The following CNTN5 variants were observed in gnomAD, a reference collection of about 807,000 sequenced individuals.
The protein encoded by CNTN5 is contactin-5.
CNTN5 carries 77 observed loss-of-function variants against 129.1 expected under a neutral mutation model. That is an observed-to-expected ratio of 0.60 (90% CI 0.50 to 0.72). The LOEUF (loss-of-function observed/expected upper bound fraction) is 0.72, where lower values mean the gene tolerates loss of function less well. Ranked by LOEUF, CNTN5 falls within the 30% of genes least tolerant of loss-of-function variation. CNTN5 has a pLI of 0.00. For synonymous variants in CNTN5, 509 were observed against 465.6 expected (o/e 1.09, Z -1.20); for missense variants, 1,478 against 1,328.8 (o/e 1.11, Z -1.75).
At chr11:99,137,203 A>C (rs2135451354) in intron 1 of CNTN5, among the ~76,000 whole-genome samples, 1 of 152,302 alleles carries the variant, frequency 6.6e-6, no homozygotes, top group Admixed American at 6.5e-5. Flanking sequence ...TCATGCATAC[A>C]GAATATTTGC....
At chr11:100,287,949 G>T (rs202222842) in intron 18 of CNTN5, among the ~76,000 whole-genome samples, 45,153 of 151,838 alleles carry the variant, frequency 0.3, 8,331 homozygotes, top group Non-Finnish European at 0.42. Context: ...AAAGGCAGGG[G>T]TTGCAATCCC....
intron 3 of CNTN5, among the ~76,000 whole-genome samples, chr11:99,713,659 T>C (rs1045560665): frequency 2.0e-5 from 3 of 152,002 alleles, no homozygotes; most frequent in African/African-American, 7.2e-5. Flanking sequence ...TGTTAACTAT[T>C]AAGACTTCGT....
At chr11:99,175,478 T>A (rs920794161) in intron 1 of CNTN5, among the ~76,000 whole-genome samples, 6 of 152,090 alleles carry the variant, frequency 3.9e-5, no homozygotes, top group Non-Finnish European at 7.3e-5. Context: ...AACAGGAGTT[T>A]GTTTTAGAAG....
intron 3 of CNTN5, among the ~76,000 whole-genome samples, chr11:99,680,761 T>C (rs975590216): frequency 6.6e-6 from 1 of 152,102 alleles, no homozygotes; most frequent in African/African-American, 2.4e-5. Flanking sequence ...TCACCGGCTG[T>C]AGCTGTATGG....
At chr11:99,942,499 G>A (rs7948524) in intron 7 of CNTN5, among the ~76,000 whole-genome samples, 30,212 of 151,864 alleles carry the variant, frequency 0.2, 3,320 homozygotes, top group African/African-American at 0.28. Context: ...CAGAAAAGAA[G>A]GGTGAATTGT....
intron 2 of CNTN5, among the ~76,000 whole-genome samples, chr11:99,488,236 G>T (rs11827310): frequency 0.27 from 40,120 of 146,182 alleles, 5,746 homozygotes; most frequent in Non-Finnish European, 0.33. Context: ...GCAGTGGCGC[G>T]ATCTCGGCTC....
chr11:99,433,814 T>C (rs1943494477), intron 2 of CNTN5, among the ~76,000 whole-genome samples: 1 of 152,156 alleles, frequency 6.6e-6, no homozygotes. Flanking sequence ...GAAAGTTTTT[T>C]AAAGAGGGAA....
chr11:99,594,908 CTCA>C (rs1950081016), intron 3 of CNTN5, among the ~76,000 whole-genome samples: 1 of 152,140 alleles, frequency 6.6e-6, no homozygotes. Flanking sequence ...CATCATTATT[CTCA>C]TCAAGTCACA....
intron 2 of CNTN5, among the ~76,000 whole-genome samples, chr11:99,465,313 G>A (rs1944888363): frequency 6.6e-6 from 1 of 151,944 alleles, no homozygotes; most frequent in Non-Finnish European, 1.5e-5. Context: ...GTCTTTTACT[G>A]GGCTTAAATT....
intron 13 of CNTN5, among the ~76,000 whole-genome samples, chr11:100,158,829 G>T (rs1947343560): frequency 6.6e-6 from 1 of 151,750 alleles, no homozygotes; most frequent in South Asian, 2.1e-4. Flanking sequence ...CAACTTTTAT[G>T]CAAATATACC....
At chr11:99,269,664 T>C (rs1430793838) in intron 1 of CNTN5, among the ~76,000 whole-genome samples, 1 of 150,934 alleles carries the variant, frequency 6.6e-6, no homozygotes, top group Non-Finnish European at 1.5e-5. Flanking sequence ...ACTGGACACA[T>C]TTTTTCAATC....
At chr11:99,536,735 T>C (rs558048648) in intron 2 of CNTN5, among the ~76,000 whole-genome samples, 2 of 151,974 alleles carry the variant, frequency 1.3e-5, no homozygotes, top group East Asian at 1.9e-4. Context: ...GAGAAAATAT[T>C]ATTACTAACT....
chr11:99,934,521 C>CCCA (rs893277825), intron 7 of CNTN5, among the ~76,000 whole-genome samples: 1 of 151,992 alleles, frequency 6.6e-6, no homozygotes, highest in African/African-American at 2.4e-5. Context: ...ATTCGTATCC[C>CCCA]CCACCACCTC....
chr11:99,161,316 A>C (rs540416907), intron 1 of CNTN5, among the ~76,000 whole-genome samples: 1 of 152,156 alleles, frequency 6.6e-6, no homozygotes, highest in South Asian at 2.1e-4. Context: ...CTGCATACCC[A>C]ATACTTTTTA....
At chr11:99,212,576 G>A (rs1270759676) in intron 1 of CNTN5, among the ~76,000 whole-genome samples, 1 of 151,874 alleles carries the variant, frequency 6.6e-6, no homozygotes, top group Non-Finnish European at 1.5e-5. Context: ...TTTACAACTT[G>A]TACATAAACG....
At chr11:100,259,059 T>G (rs1470640652) in intron 17 of CNTN5, among the ~76,000 whole-genome samples, 2 of 152,074 alleles carry the variant, frequency 1.3e-5, no homozygotes, top group Non-Finnish European at 2.9e-5. Context: ...CCATCTCACT[T>G]GCAAAGTCAC....
chr11:100,324,232 G>T (rs1302489289), intron 21 of CNTN5, among the ~76,000 whole-genome samples: 2 of 152,130 alleles, frequency 1.3e-5, no homozygotes, highest in Non-Finnish European at 2.9e-5. Flanking sequence ...GGTGGGAAGG[G>T]AGTGGGCTGA....
chr11:99,630,387 T>TA (rs1951298675), intron 3 of CNTN5, among the ~76,000 whole-genome samples: 3 of 152,044 alleles, frequency 2.0e-5, no homozygotes, highest in African/African-American at 7.2e-5. Context: ...TCCTTTAGTC[T>TA]AATCTCTCCT....
At chr11:99,787,063 G>GT (rs1183813340) in intron 3 of CNTN5, among the ~76,000 whole-genome samples, 3 of 149,666 alleles carry the variant, frequency 2.0e-5, no homozygotes, top group African/African-American at 4.9e-5. Flanking sequence ...TGGAATGATA[G>GT]TTTTTCATTT....
Sources: gnomAD v4.1 joint callset for allele counts (sites outside exome capture counted in the v4.1 genomes callset) on GRCh38, gnomAD v4.1.1 for gene constraint, MANE v1.5 for transcripts, NCBI Gene and HGNC (gene_info 2026-07-23, HGNC 2026-07-21) for gene names.